TCEANC2: variants seen among roughly 807,000 people sequenced by gnomAD.
The protein encoded by TCEANC2 is transcription elongation factor A N-terminal and central domain-containing protein 2.
Under a neutral mutation model 22.8 loss-of-function variants are expected in TCEANC2, and 20 were observed. The ratio of observed to expected loss-of-function variants is 0.88; its 90% CI spans 0.62 to 1.28. The LOEUF is 1.28. Ranked by LOEUF, TCEANC2 falls within the 50% of genes most tolerant of loss-of-function variation. The pLI is 0.00. For missense variants in TCEANC2, 251 were observed against 249.7 expected (o/e 1.01, Z -0.03); for synonymous variants, 84 against 95.5 (o/e 0.88, Z 0.70).
intron 3 of TCEANC2, among the ~76,000 whole-genome samples, chr1:54,072,858 TG>T (rs1364348631): frequency 6.6e-6 from 1 of 152,238 alleles, no homozygotes; most frequent in South Asian, 2.1e-4. Flanking sequence ...TTATGGTTCT[TG>T]GGGATTTAAA....
At chr1:54,080,778 G>A (rs573814010) in intron 3 of TCEANC2, among the ~76,000 whole-genome samples, 4 of 152,230 alleles carry the variant, frequency 2.6e-5, no homozygotes, top group South Asian at 4.1e-4. Flanking sequence ...AGTGTGCTGG[G>A]ATGCAGAAAT....
intron 3 of TCEANC2, among the ~76,000 whole-genome samples, chr1:54,084,419 C>T (rs1658300099): frequency 6.6e-6 from 1 of 152,126 alleles, no homozygotes; most frequent in Admixed American, 6.5e-5. Context: ...CCTAGCTTTT[C>T]ACTATCACAA....
At chr1:54,081,058 A>G (rs1288649145) in intron 3 of TCEANC2, among the ~76,000 whole-genome samples, 1 of 152,162 alleles carries the variant, frequency 6.6e-6, no homozygotes, top group African/African-American at 2.4e-5. Flanking sequence ...CTGCTTATAT[A>G]TGAAACCTGG....
At chr1:54,077,415 C>T (rs1658162852) in intron 3 of TCEANC2, among the ~76,000 whole-genome samples, 1 of 145,392 alleles carries the variant, frequency 6.9e-6, no homozygotes, top group Admixed American at 7.4e-5. Flanking sequence ...CCCACAACCA[C>T]TATTCTCTCA....
chr1:54,066,061 C>T (rs1035744471), intron 2 of TCEANC2, among the ~76,000 whole-genome samples: 17 of 151,800 alleles, frequency 1.1e-4, no homozygotes, highest in South Asian at 2.1e-4. Flanking sequence ...CCAGCCTGGG[C>T]GACAGAACAA....
intron 1 of TCEANC2, 38 bp downstream of exon 1, chr1:54,053,796 C>G (rs1657678910): frequency 6.5e-6 from 1 of 153,116 alleles, no homozygotes; most frequent in Non-Finnish European, 1.5e-5. Context: ...GTGCCCCTAC[C>G]CGGGCTCCTG....
chr1:54,060,023 T>C lies in TCEANC2; in HGVS notation c.102+5499T>C, dbSNP rs954086874. ...TGGCTCATGCCTATAATCCCAGCAC[T>C]TGGAAGGCCAAGACAGGAAGACCAC... is the stretch of plus-strand genomic sequence containing the variant. On this transcript the variant is annotated intron_variant, in intron 2 of 4. Coordinates refer to ENST00000234827, the MANE Select transcript of TCEANC2 (RefSeq NM_153035.3). 2.0e-5 allele frequency among the ~76,000 whole-genome samples: 3 copies of C among 151,948 alleles called. No homozygotes were observed. The South Asian group carries it at 6.2e-4, about 32-fold the overall frequency.
rs1557695261 is a variant in TCEANC2, at chr1:54,096,444, G to GACTC, written c.598_599insACTC (p.Gly200AspfsTer13). 6.2e-7 allele frequency: 1 copy of GACTC among 1,612,202 alleles called. No individual in the cohort carries two copies. The highest frequency in any genetic ancestry group is 1.1e-5 in the South Asian group (1 of 91,040). ...GGTGAAGAGCGGCTCGCTGCCAGTCGGCACGTTTGTACAGACCCACAAAAA... is the reference window on the plus strand; with the variant it reads ...GGTGAAGAGCGGCTCGCTGCCAGTCGACTCGCACGTTTGTACAGACCCACAAAAA... On this transcript the variant is annotated frameshift_variant, in exon 5 of 5. Coordinates refer to ENST00000234827, the MANE Select transcript of TCEANC2 (RefSeq NM_153035.3). LOFTEE classifies it high-confidence loss of function. The surrounding 1 kb of genome is among the most constrained non-coding windows in gnomAD (Gnocchi z 4.9).
chr1:54,111,665 C>T (rs1658841774), exon 5 of TCEANC2: 1 of 152,262 alleles, frequency 6.6e-6, no homozygotes, highest in Non-Finnish European at 1.5e-5. Context: ...TCCCATGTAA[C>T]CCTCACGACA....
At position 54,102,001 on chromosome 1, in the gene TCEANC2, T is replaced by C. The variant is rs1019262947; in HGVS notation, c.*5528T>C. 1 of 152,240 alleles carries C rather than the reference T, an allele frequency of 6.6e-6. No homozygotes were observed. The highest frequency in any genetic ancestry group is 2.4e-5 in the African/African-American group (1 of 41,444). 9.4% of individuals were successfully genotyped at this position (152,240 alleles called of 1,614,324 possible). A position where few individuals can be genotyped will look rare whatever the true frequency, so the allele number is the denominator to read the frequency against. ...ATTTTTAGGGGCCAATGGTCTGGGA[T>C]GTGGCAGGGACATTCTCTTGAAAGT... On this transcript the variant is annotated 3_prime_UTR_variant, in exon 5 of 5. Coordinates refer to ENST00000234827, the MANE Select transcript of TCEANC2 (RefSeq NM_153035.3).
chr1:54,088,843 AAAG>A lies in TCEANC2; in HGVS notation c.438+59_438+61del, dbSNP rs1163087163. The stretch of plus-strand genomic sequence containing the variant: ...ATGTACCCATAATAATTAATTTTTA[AAAG>A]AAGAAAAATAAAGGTAATGTCCTGG... On this transcript the variant is annotated intron_variant, in intron 4 of 4. Coordinates refer to ENST00000234827, the MANE Select transcript of TCEANC2 (RefSeq NM_153035.3). 3.6e-5 allele frequency: 48 copies of A among 1,333,904 alleles called. 1 individual carries two copies. In the Middle Eastern group the frequency reaches 8.2e-4, roughly 23 times the overall value. The allele number at this position is 1,333,904 out of a possible 1,614,324, so 82.6% of individuals were successfully genotyped here. A position where few individuals can be genotyped will look rare whatever the true frequency, so the allele number is the denominator to read the frequency against.
At chr1:54,086,375 A>C (rs1246100349) in intron 3 of TCEANC2, among the ~76,000 whole-genome samples, 1 of 152,236 alleles carries the variant, frequency 6.6e-6, no homozygotes. Flanking sequence ...CTAAGGAAGC[A>C]GAGAGCAGGG....
At chr1:54,110,190 C>A (rs1192420134), downstream of TCEANC2, among the ~76,000 whole-genome samples, 2 of 152,188 alleles carry the variant, frequency 1.3e-5, no homozygotes, top group East Asian at 3.8e-4. Flanking sequence ...TTATGCCTGA[C>A]CCTCTTACCC....
intron 2 of TCEANC2, among the ~76,000 whole-genome samples, chr1:54,058,939 G>A (rs1157200531): frequency 6.6e-6 from 1 of 152,290 alleles, no homozygotes; most frequent in East Asian, 1.9e-4. Flanking sequence ...ACAGGCGTGA[G>A]CCACTGTGCC....
downstream of TCEANC2, among the ~76,000 whole-genome samples, chr1:54,107,446 C>G (rs1443570501): frequency 6.6e-6 from 1 of 152,046 alleles, no homozygotes; most frequent in East Asian, 1.9e-4. Flanking sequence ...TGTCATTTTT[C>G]CCTTTCCATA....
chr1:54,064,491 C>A (rs116799732), intron 2 of TCEANC2, among the ~76,000 whole-genome samples: 62 of 152,048 alleles, frequency 4.1e-4, no homozygotes, highest in Admixed American at 3.5e-3. Flanking sequence ...TGGCTTACAC[C>A]CTAAGTAAAT....
intron 2 of TCEANC2, among the ~76,000 whole-genome samples, chr1:54,065,473 T>C (rs562428807): frequency 6.6e-5 from 10 of 152,254 alleles, no homozygotes; most frequent in Non-Finnish European, 1.5e-4. Flanking sequence ...ATCCCAGCAC[T>C]TGGGGAGGCC....
intron 4 of TCEANC2, among the ~76,000 whole-genome samples, chr1:54,089,051 A>C (rs1658393364): frequency 6.6e-6 from 1 of 152,220 alleles, no homozygotes; most frequent in Admixed American, 6.5e-5. Context: ...ATCTGGGTTG[A>C]AACCCTGACA....
chr1:54,108,783 T>G (rs1468271777), downstream of TCEANC2, among the ~76,000 whole-genome samples: 2 of 151,890 alleles, frequency 1.3e-5, no homozygotes, highest in African/African-American at 4.8e-5. Context: ...CCATCCTGGC[T>G]AACACAGTGA....
Sources: allele counts gnomAD v4.1 joint callset (sites outside exome capture counted in the v4.1 genomes callset), GRCh38; gene constraint gnomAD v4.1.1; non-coding constraint Gnocchi (gnomAD v3.1); transcripts MANE v1.5; gene names NCBI Gene and HGNC (gene_info 2026-07-23, HGNC 2026-07-21).